The following EEF1D variants were observed in gnomAD, a reference collection of about 807,000 sequenced individuals.
The protein encoded by EEF1D is eukaryotic translation elongation factor 1 delta, also known as elongation factor 1-delta.
EEF1D carries 47 observed loss-of-function variants against 63.9 expected under a neutral mutation model. The observed-to-expected ratio is 0.74, with a 90% CI of 0.58 to 0.94. The LOEUF (loss-of-function observed/expected upper bound fraction) is 0.94, where lower values mean the gene tolerates loss of function less well. EEF1D is among the 40% of genes least tolerant of loss of function. The probability of loss-of-function intolerance (pLI) is 0.00; values close to 1 mark genes in which losing one functional copy is unlikely to be tolerated. For missense variants in EEF1D, 907 were observed against 899.0 expected, an observed-to-expected ratio of 1.01 and a Z score of -0.11; for synonymous variants, 412 against 386.1, an observed-to-expected ratio of 1.07 and a Z score of -0.79.
chr8:143,586,315 G>A lies in EEF1D; in HGVS notation c.1216-25C>T, dbSNP rs773671363. 7 of 1,507,232 alleles carry A rather than the reference G, an allele frequency of 4.6e-6. No individual in the cohort carries two copies. In the South Asian group the frequency reaches 5.2e-5, roughly 11 times the overall value. 93.4% of individuals were successfully genotyped at this position (1,507,232 alleles called of 1,614,324 possible). On this transcript the variant is annotated intron_variant, in intron 4 of 9. Coordinates refer to ENST00000618139, the MANE Select transcript of EEF1D (RefSeq NM_001130053.5). ...CCTGCAGACAGTGCAGAAAGAACCA[G>A]TCTTTTTTTTATTATTAAAAAAGAA...
intron 3 of EEF1D, chr8:143,587,644 ATTGCTAATGTGG>A (rs1826959898): frequency 6.6e-6 from 1 of 152,262 alleles, no homozygotes; most frequent in Admixed American, 6.5e-5. Context: ...CTCAGTTTTA[ATTGCTAATGTGG>A]TAAAAATCAA....
rs1268379704 is a variant in EEF1D at position 143,585,913 on chromosome 8, T to C, written c.1287+306A>G. On this transcript the variant is annotated intron_variant, in intron 5 of 9. Transcript: ENST00000618139. The stretch of plus-strand genomic sequence containing the variant: ...GGAGCAAGCAGGGAGGCACAGGCTC[T>C]CATGCCAGGTGCCCACAGGACACCC... 4 of 397,138 alleles carry C rather than the reference T, an allele frequency of 1.0e-5. No homozygotes were observed. In the Admixed American group the frequency reaches 1.2e-4, roughly 12 times the overall value. The allele number at this position is 397,138 out of a possible 1,614,324, so 24.6% of individuals were successfully genotyped here. A position where few individuals can be genotyped will look rare whatever the true frequency, so the allele number is the denominator to read the frequency against.
Position 143,581,287 on chromosome 8 carries a change from G to A in EEF1D, c.1329C>T (p.His443=), listed in dbSNP as rs370722668. ...TGGCAATCCGGACGACGAGCTCACC[G>A]TGGTCTCCGCTGGTGCCGCTGGAGG... ...PGASSGTSGD[H]GELVVRIASL... The change falls in exon 6 of 10, where the codon CAC becomes CAT. Residue 443 remains histidine (H), a synonymous_variant. Transcript: ENST00000618139. 1.2e-5 allele frequency: 19 copies of A among 1,612,148 alleles called. No homozygotes were observed. In the African/African-American group the frequency reaches 1.5e-4, roughly 12 times the overall value.
At chr8:143,580,973 TG>T in intron 7 of EEF1D, 80 bp downstream of exon 7, 1 of 1,474,498 alleles carries the variant, frequency 6.8e-7, no homozygotes. Flanking sequence ...TCACTGCTGC[TG>T]GGGCCAGCCC....
At chr8:143,587,689 G>C (rs370206327) in intron 3 of EEF1D, 2 of 152,202 alleles carry the variant, frequency 1.3e-5, no homozygotes, top group East Asian at 3.8e-4. Context: ...AAGCTCTTTG[G>C]GGTCCTGAGA....
Position 143,590,028 on chromosome 8 carries a change from G to A in EEF1D, c.54C>T (p.His18=). 1 of 1,599,148 alleles carries A rather than the reference G, an allele frequency of 6.3e-7. No homozygotes were observed. The highest frequency in any genetic ancestry group is 8.5e-7 in the Non-Finnish European group (1 of 1,179,860). ...AGCGCCGCTCGGCCTCCTCATACTTGTGCTTGTCTTCCCACACGGTCTCCA... is the reference window on the plus strand; with the variant it reads ...AGCGCCGCTCGGCCTCCTCATACTTATGCTTGTCTTCCCACACGGTCTCCA... ...CTLETVWEDK[H]KYEEAERRFY... Residue 18 remains histidine (H), a synonymous_variant, in exon 3 of 10, where the codon CAC becomes CAT. Coordinates refer to ENST00000618139, the MANE Select transcript of EEF1D (RefSeq NM_001130053.5).
chr8:143,580,739 G>T lies in EEF1D; in HGVS notation c.1489-12C>A. ...ATGGGAGATACGTGCTGCCACAGGG[G>T]AAGGGACAGGAGGCACGGCTGAGAC... On this transcript the variant is annotated splice_polypyrimidine_tract_variant and intron_variant, in intron 7 of 9. Transcript: ENST00000618139. 1 of 1,611,732 alleles carries T rather than the reference G, an allele frequency of 6.2e-7. No individual in the cohort carries two copies. Among genetic ancestry groups the T allele is most frequent in the Non-Finnish European group, 8.5e-7 (1 of 1,179,974 alleles).
intron 2 of EEF1D, among the ~76,000 whole-genome samples, chr8:143,591,706 C>T (rs1490761817): frequency 6.6e-6 from 1 of 152,244 alleles, no homozygotes; most frequent in Non-Finnish European, 1.5e-5. Flanking sequence ...ACTGGGACCA[C>T]CTGCCTGGTC....
At chr8:143,592,016 A>G (rs1309633775) in intron 2 of EEF1D, 5 of 982,372 alleles carry the variant, frequency 5.1e-6, no homozygotes, top group Non-Finnish European at 6.0e-6. Flanking sequence ...GGCCCATGGG[A>G]GGCCACAGGG....
intron 1 of EEF1D, among the ~76,000 whole-genome samples, chr8:143,595,814 C>T (rs1828706220): frequency 6.6e-6 from 1 of 152,234 alleles, no homozygotes; most frequent in Admixed American, 6.5e-5. Flanking sequence ...CTTTCTGGAA[C>T]CCCAGACAAT....
At chr8:143,594,761 G>C (rs1218616478) in intron 1 of EEF1D, among the ~76,000 whole-genome samples, 1 of 152,218 alleles carries the variant, frequency 6.6e-6, no homozygotes, top group Non-Finnish European at 1.5e-5. Context: ...CTGCCTGATA[G>C]AACTTTCAGT....
At chr8:143,591,492 C>T (rs1454567779) in intron 2 of EEF1D, among the ~76,000 whole-genome samples, 2 of 152,258 alleles carry the variant, frequency 1.3e-5, no homozygotes, top group Non-Finnish European at 2.9e-5. Context: ...GCTCAGCCTG[C>T]GATAGCTTCC....
At chr8:143,595,573 C>T (rs1215038029) in intron 1 of EEF1D, among the ~76,000 whole-genome samples, 1 of 152,228 alleles carries the variant, frequency 6.6e-6, no homozygotes, top group Non-Finnish European at 1.5e-5. Flanking sequence ...CCTGTCTGAC[C>T]CCTGGATATT....
chr8:143,582,792 C>G (rs1410282580), intron 5 of EEF1D: 1 of 152,228 alleles, frequency 6.6e-6, no homozygotes, highest in Admixed American at 6.5e-5. Flanking sequence ...AACGGGCAGG[C>G]TCAGGTCACC....
At position 143,586,899 on chromosome 8, in the gene EEF1D, C is replaced by T. The variant is rs373318766; in HGVS notation, c.1092-47G>A. The T allele has an allele frequency of 3.2e-5, 51 of 1,607,650 alleles. No individual in the cohort carries two copies. The African/African-American group carries it at 4.4e-4, about 14-fold the overall frequency. On this transcript the variant is annotated intron_variant, in intron 3 of 9. Coordinates refer to ENST00000618139, the MANE Select transcript of EEF1D (RefSeq NM_001130053.5). Reference sequence around the variant, plus strand: ...GTCAGCATGGCTGGGAAGTGGGCCTCGGCATCAGGACAGCCCAGAAGCACC... The same window carrying T: ...GTCAGCATGGCTGGGAAGTGGGCCTTGGCATCAGGACAGCCCAGAAGCACC...
At chr8:143,590,229 C>T in intron 2 of EEF1D, 148 bp from the exon 3 acceptor site, 1 of 1,168,608 alleles carries the variant, frequency 8.6e-7, no homozygotes, top group Non-Finnish European at 1.2e-6. Context: ...GTGGGGCTTC[C>T]ATGAGATGAC....
At chr8:143,580,421 G>A in intron 8 of EEF1D, 85 bp downstream of exon 8, 2 of 1,490,418 alleles carry the variant, frequency 1.3e-6, no homozygotes, top group Non-Finnish European at 1.8e-6. Flanking sequence ...GAACCCAGAG[G>A]GCAGGGGGAG....
intron 5 of EEF1D, chr8:143,581,657 C>A (rs577649721): frequency 2.3e-6 from 1 of 433,368 alleles, no homozygotes; most frequent in African/African-American, 2.0e-5. Context: ...TGCTGAAGGA[C>A]TCACAGTCCT....
At chr8:143,592,098 G>A (rs1828065449) in intron 2 of EEF1D, 1 of 985,536 alleles carries the variant, frequency 1.0e-6, no homozygotes, top group Non-Finnish European at 1.2e-6. Flanking sequence ...CCAAGGCCAG[G>A]CTGATGGGCA....
Sources: allele counts gnomAD v4.1 joint callset (sites outside exome capture counted in the v4.1 genomes callset), GRCh38; gene constraint gnomAD v4.1.1; transcripts MANE v1.5; gene names NCBI Gene and HGNC (gene_info 2026-07-23, HGNC 2026-07-21).